Variants in SH3GL2 observed in about 807,000 individuals in gnomAD.
SH3GL2 encodes the protein SH3 domain containing GRB2 like 2, endophilin A1.
In SH3GL2, 24 loss-of-function variants were observed where a neutral mutation model predicts 46.0. The ratio of observed to expected loss-of-function variants is 0.52; its 90% confidence interval spans 0.38 to 0.73. SH3GL2 has a LOEUF of 0.73. SH3GL2 is among the 30% of genes least tolerant of loss of function. SH3GL2 has a pLI of 0.00. For synonymous variants in SH3GL2, 196 were observed against 147.1 expected, an observed-to-expected ratio of 1.33 and a Z score of -2.40; for missense variants, 413 against 424.2, an observed-to-expected ratio of 0.97 and a Z score of 0.23.
chr9:17,718,808 C>G (rs1011380585), intron 1 of SH3GL2, among the ~76,000 whole-genome samples: 2 of 152,074 alleles, frequency 1.3e-5, no homozygotes, highest in African/African-American at 2.4e-5. Context: ...CTGCATTGTA[C>G]TTTTAATTAG....
chr9:17,790,443 A>C, intron 6 of SH3GL2: 1 of 983,380 alleles, frequency 1.0e-6, no homozygotes. Context: ...ACATATCCAG[A>C]CTTTCCTACC....
intron 1 of SH3GL2, among the ~76,000 whole-genome samples, chr9:17,671,708 A>G (rs16935869): frequency 0.011 from 1,680 of 152,332 alleles, 29 homozygotes; most frequent in African/African-American, 0.037. Flanking sequence ...TAACCTTTGC[A>G]GTATTGTGCC....
chr9:17,579,356 G>C (rs1185515182), intron 1 of SH3GL2, 69 bp downstream of exon 1: 15 of 1,149,388 alleles, frequency 1.3e-5, no homozygotes. Context: ...CTCGGCGCTG[G>C]CCGTCCGGCG....
At chr9:17,670,169 G>A (rs1588221374) in intron 1 of SH3GL2, among the ~76,000 whole-genome samples, 1 of 152,190 alleles carries the variant, frequency 6.6e-6, no homozygotes, top group African/African-American at 2.4e-5. Context: ...CTCAAAAAGG[G>A]GAGGTAGAAT....
At chr9:17,582,323 C>G (rs187204249) in intron 1 of SH3GL2, among the ~76,000 whole-genome samples, 40 of 152,190 alleles carry the variant, frequency 2.6e-4, no homozygotes, top group Non-Finnish European at 4.9e-4. Context: ...TACTTAATTG[C>G]TCATAAAGAT....
intron 1 of SH3GL2, among the ~76,000 whole-genome samples, chr9:17,698,047 T>C (rs1563817190): frequency 6.6e-6 from 1 of 152,226 alleles, no homozygotes; most frequent in Non-Finnish European, 1.5e-5. Context: ...TTTAGGATTT[T>C]GGTGTCAACC....
chr9:17,722,760 T>A (rs1252596016), intron 1 of SH3GL2, among the ~76,000 whole-genome samples: 10 of 152,082 alleles, frequency 6.6e-5, no homozygotes, highest in African/African-American at 2.4e-4. Flanking sequence ...TGTCACTTAT[T>A]TTCTTCATAA....
At chr9:17,598,458 T>G (rs1329233778) in intron 1 of SH3GL2, among the ~76,000 whole-genome samples, 1 of 152,206 alleles carries the variant, frequency 6.6e-6, no homozygotes, top group Non-Finnish European at 1.5e-5. Context: ...ATGCAGTGTT[T>G]CCCTGAGGAT....
intron 1 of SH3GL2, among the ~76,000 whole-genome samples, chr9:17,742,911 A>G (rs1822569812): frequency 6.6e-6 from 1 of 152,192 alleles, no homozygotes; most frequent in South Asian, 2.1e-4. Context: ...TGATTCGCAT[A>G]TCTTTTGCTT....
intron 1 of SH3GL2, among the ~76,000 whole-genome samples, chr9:17,681,245 C>G (rs1031986008): frequency 6.6e-6 from 1 of 152,102 alleles, no homozygotes; most frequent in African/African-American, 2.4e-5. Flanking sequence ...GGCAAAACAA[C>G]AATAACAACA....
intron 1 of SH3GL2, among the ~76,000 whole-genome samples, chr9:17,593,544 C>T (rs564383759): frequency 1.3e-5 from 2 of 152,236 alleles, no homozygotes; most frequent in Admixed American, 1.3e-4. Flanking sequence ...TTTCCTACAT[C>T]CTTACAAGGA....
At chr9:17,779,226 A>G (rs1326419809) in intron 3 of SH3GL2, among the ~76,000 whole-genome samples, 1 of 152,116 alleles carries the variant, frequency 6.6e-6, no homozygotes, top group African/African-American at 2.4e-5. Flanking sequence ...GGGTCCTTAA[A>G]TCTATGGTTT....
chr9:17,601,354 G>A (rs1415423229), intron 1 of SH3GL2, among the ~76,000 whole-genome samples: 2 of 152,062 alleles, frequency 1.3e-5, no homozygotes, highest in Non-Finnish European at 2.9e-5. Context: ...AGACTTAGAA[G>A]CAGCTTGCTG....
chr9:17,736,429 A>AT (rs973169332), intron 1 of SH3GL2, among the ~76,000 whole-genome samples: 6 of 152,044 alleles, frequency 3.9e-5, no homozygotes, highest in Non-Finnish European at 8.8e-5. Context: ...GTCTTCTTGC[A>AT]TGCCCCCTGG....
At chr9:17,749,373 A>T (rs768544592) in intron 2 of SH3GL2, among the ~76,000 whole-genome samples, 2 of 152,172 alleles carry the variant, frequency 1.3e-5, no homozygotes, top group Non-Finnish European at 2.9e-5. Context: ...GCTTCATTTG[A>T]ACAGCCCATG....
chr9:17,792,013 A>G (rs1263967128), intron 7 of SH3GL2, among the ~76,000 whole-genome samples: 1 of 152,182 alleles, frequency 6.6e-6, no homozygotes, highest in African/African-American at 2.4e-5. Flanking sequence ...TGTTATTTTA[A>G]TTTAGCCAGA....
chr9:17,648,942 G>A (rs1053870556), intron 1 of SH3GL2, among the ~76,000 whole-genome samples: 2 of 152,164 alleles, frequency 1.3e-5, no homozygotes, highest in Non-Finnish European at 2.9e-5. Flanking sequence ...GATACAAAGA[G>A]CACTGTTCCA....
intron 1 of SH3GL2, among the ~76,000 whole-genome samples, chr9:17,731,217 G>A (rs998257768): frequency 2.0e-5 from 3 of 152,028 alleles, no homozygotes; most frequent in African/African-American, 7.2e-5. Context: ...TAAATCTTAT[G>A]TTTCTCCCTG....
chr9:17,587,641 G>A (rs1483312094), intron 1 of SH3GL2, among the ~76,000 whole-genome samples: 2 of 152,176 alleles, frequency 1.3e-5, no homozygotes, highest in Admixed American at 6.5e-5. Flanking sequence ...ACTTTGGGAG[G>A]CCGAGGTGGG....
Sources: allele counts gnomAD v4.1 joint callset (sites outside exome capture counted in the v4.1 genomes callset), GRCh38; gene constraint gnomAD v4.1.1; transcripts MANE v1.5; gene names NCBI Gene and HGNC (gene_info 2026-07-23, HGNC 2026-07-21).